The following RXRG variants were observed in gnomAD, a reference collection of about 807,000 sequenced individuals.
The protein encoded by RXRG is retinoic acid receptor RXR-gamma.
RXRG carries 19 observed loss-of-function variants against 49.2 expected under a neutral mutation model. The ratio of observed to expected loss-of-function variants is 0.39; its 90% CI spans 0.27 to 0.57. The LOEUF is 0.57. Ranked by LOEUF, RXRG falls within the 20% of genes least tolerant of loss-of-function variation. RXRG has a pLI of 0.64. For missense variants in RXRG, 452 were observed against 592.5 expected (o/e 0.76, Z 2.46); for synonymous variants, 224 against 216.6 (o/e 1.03, Z -0.30).
At position 165,410,961 on chromosome 1, in the gene RXRG, A is replaced by T; in HGVS notation, c.771T>A (p.Asn257Lys). The change falls in exon 5 of 10, where the codon AAT becomes AAA. Residue 257 changes from asparagine (N) to lysine (K), a missense_variant. Physicochemically the swap from Asn to Lys is moderately conservative, Grantham distance 94 (BLOSUM62 0). Coordinates refer to ENST00000359842, the MANE Select transcript of RXRG (RefSeq NM_006917.5). ...EPKTESYGDMNMENSTNDPVT... is the reference protein window; with the variant it reads ...EPKTESYGDMKMENSTNDPVT... ...TAAGAGCACATACCGAGTTCTCCAT[A>T]TTCATGTCACCATAGGATTCTGTCT... The T allele has an allele frequency of 1.2e-6, 2 of 1,614,120 alleles. No individual in the cohort carries two copies. Among genetic ancestry groups the T allele is most frequent in the South Asian group, 2.2e-5 (2 of 91,068 alleles).
intron 2 of RXRG, among the ~76,000 whole-genome samples, chr1:165,426,528 A>G (rs1408188779): frequency 2.0e-5 from 3 of 152,166 alleles, no homozygotes; most frequent in South Asian, 2.1e-4. Context: ...TACTGGCTCT[A>G]TGCTATAACT....
chr1:165,421,068 C>T (rs142829783), intron 2 of RXRG, among the ~76,000 whole-genome samples: 45 of 152,262 alleles, frequency 3.0e-4, no homozygotes, highest in African/African-American at 1.1e-3. Context: ...CTATTCAAGG[C>T]CTTTGGGACA....
chr1:165,428,949 C>T lies in RXRG; in HGVS notation c.67G>A (p.Gly23Ser). Residue 23 changes from glycine (G) to serine (S), a missense_variant, in exon 2 of 10, where the codon GGC becomes AGC. Physicochemically the swap from Gly to Ser is moderately conservative, Grantham distance 56. Coordinates refer to ENST00000359842, the MANE Select transcript of RXRG (RefSeq NM_006917.5). ...AGYGGSPGHTGSTSMSPSAAL... is the reference protein window; with the variant it reads ...AGYGGSPGHTSSTSMSPSAAL... ...GCTGATGGGCTCATGGATGTAGAGC[C>T]AGTGTGGCCAGGGGAGCCTGTAAGA... is the stretch of plus-strand genomic sequence containing the variant. 2 of 1,613,134 alleles carry T rather than the reference C, an allele frequency of 1.2e-6. No homozygotes were observed. The highest frequency in any genetic ancestry group is 1.7e-6 in the Non-Finnish European group (2 of 1,179,760).
chr1:165,416,890 A>G, intron 4 of RXRG, 151 bp downstream of exon 4: 1 of 688,998 alleles, frequency 1.5e-6, no homozygotes, highest in Admixed American at 3.0e-5. Flanking sequence ...TCCTATTCAG[A>G]CTTCTCTTTA....
At chr1:165,406,562 C>T (rs1167225545) in intron 9 of RXRG, among the ~76,000 whole-genome samples, 1 of 152,194 alleles carries the variant, frequency 6.6e-6, no homozygotes, top group Non-Finnish European at 1.5e-5. Context: ...TGCTATTCAT[C>T]CTCCATTTAA....
intron 4 of RXRG, among the ~76,000 whole-genome samples, chr1:165,415,490 T>G (rs1051067475): frequency 6.6e-6 from 1 of 152,146 alleles, no homozygotes; most frequent in Non-Finnish European, 1.5e-5. Flanking sequence ...AGGACAAAGA[T>G]GGAAGCAGGG....
At chr1:165,407,281 A>G (rs752337006) in intron 8 of RXRG, among the ~76,000 whole-genome samples, 9 of 152,348 alleles carry the variant, frequency 5.9e-5, no homozygotes, top group Non-Finnish European at 8.8e-5. Context: ...CTGAATTGGC[A>G]CATGTCCTGC....
intron 9 of RXRG, among the ~76,000 whole-genome samples, chr1:165,404,844 C>G (rs142154259): frequency 0.043 from 6,473 of 152,210 alleles, 167 homozygotes; most frequent in East Asian, 0.071. Flanking sequence ...CCACAACCTC[C>G]ACCTCCCCGG....
intron 6 of RXRG, among the ~76,000 whole-genome samples, 162 bp from the exon 7 acceptor site, chr1:165,409,852 A>C (rs913122357): frequency 4.6e-5 from 7 of 152,152 alleles, no homozygotes; most frequent in Admixed American, 4.6e-4. Context: ...TAGCGAAGAA[A>C]CAAAGGATAA....
chr1:165,406,563 C>T (rs963701162), intron 9 of RXRG, among the ~76,000 whole-genome samples: 23 of 152,192 alleles, frequency 1.5e-4, no homozygotes, highest in African/African-American at 5.5e-4. Context: ...GCTATTCATC[C>T]TCCATTTAAA....
At position 165,419,994 on chromosome 1, in the gene RXRG, G is replaced by T. The variant is rs1658258587; in HGVS notation, c.318C>A (p.Val106=). The part of the protein sequence containing the change: ...PSSQLNVVNS[V]SSSEDIKPLP... ...AGGGCTTGATGTCCTCTGAACTGCT[G>T]ACACTGTTGACCACATTTAGCTGCA... is the stretch of plus-strand genomic sequence containing the variant. The change falls in exon 3 of 10, where the codon GTC becomes GTA. Residue 106 remains valine (V), a synonymous_variant. Transcript: ENST00000359842. The T allele has an allele frequency of 6.2e-7, 1 of 1,606,304 alleles. No individual in the cohort carries two copies. The highest frequency in any genetic ancestry group is 8.5e-7 in the Non-Finnish European group (1 of 1,176,304).
intron 3 of RXRG, among the ~76,000 whole-genome samples, chr1:165,417,435 T>C (rs1658161343): frequency 6.6e-6 from 1 of 152,204 alleles, no homozygotes; most frequent in Admixed American, 6.5e-5. Context: ...TTCCTCTGCA[T>C]TACTAATTCC....
chr1:165,428,743 G>C lies in RXRG; in HGVS notation c.273C>G (p.Asn91Lys). The change falls in exon 2 of 10, where the codon AAC (asparagine) becomes AAG (lysine). Residue 91 changes from asparagine (N) to lysine (K), a missense_variant. Around this residue, in one of 2 missense-constraint regions of RXRG, gnomAD observed 166 missense variants for 151.7 expected, o/e 1.09. Coordinates refer to ENST00000359842, the MANE Select transcript of RXRG (RefSeq NM_006917.5). Reference protein sequence around the residue: ...SGALAAPPGINLVAPPSSQLN... With the variant: ...SGALAAPPGIKLVAPPSSQLN... ...CCTGAGAGCTGGGTGGGGCAACCAA[G>C]TTGATTCCTGGAGGCGCTGCAAGTG... The C allele has an allele frequency of 2.5e-6, 4 of 1,602,486 alleles. No homozygotes were observed. Among genetic ancestry groups the C allele is most frequent in the South Asian group, 1.1e-5 (1 of 90,356 alleles).
intron 1 of RXRG, among the ~76,000 whole-genome samples, chr1:165,443,658 C>T (rs1420790798): frequency 6.6e-6 from 1 of 152,196 alleles, no homozygotes. Context: ...GTGCCCAACA[C>T]CATGCCTGCC....
chr1:165,412,174 C>T (rs557222457), intron 4 of RXRG, among the ~76,000 whole-genome samples: 81 of 152,116 alleles, frequency 5.3e-4, no homozygotes, highest in African/African-American at 1.7e-3. Context: ...ATCGCAATGC[C>T]GAACATCTAG....
At chr1:165,427,817 T>C (rs1410223029) in intron 2 of RXRG, among the ~76,000 whole-genome samples, 1 of 152,176 alleles carries the variant, frequency 6.6e-6, no homozygotes, top group Non-Finnish European at 1.5e-5. Flanking sequence ...CTGTGCTTTC[T>C]GGATTGGGTT....
At chr1:165,424,358 A>T (rs2101729577) in intron 2 of RXRG, among the ~76,000 whole-genome samples, 1 of 152,326 alleles carries the variant, frequency 6.6e-6, no homozygotes, top group South Asian at 2.1e-4. Flanking sequence ...TGAATTACCT[A>T]AGTGTATAAT....
At position 165,444,706 on chromosome 1, in the gene RXRG, C is replaced by A. The variant is rs148593988; in HGVS notation, c.49+139G>T. The A allele has an allele frequency of 1.1e-5, 8 of 718,354 alleles. No individual in the cohort carries two copies. In the African/African-American group the frequency reaches 1.2e-4, roughly 11 times the overall value. 44.5% of individuals were successfully genotyped at this position (718,354 alleles called of 1,614,324 possible). A position where few individuals can be genotyped will look rare whatever the true frequency, so the allele number is the denominator to read the frequency against. On this transcript the variant is annotated intron_variant, in intron 1 of 9. Transcript: ENST00000359842. ...GCACGCGTGCACACACACGCTGAAA[C>A]GCTATATACACACTATATATGCATA... is the stretch of plus-strand genomic sequence containing the variant.
intron 1 of RXRG, among the ~76,000 whole-genome samples, chr1:165,431,263 T>C (rs1377027829): frequency 6.6e-6 from 1 of 152,120 alleles, no homozygotes; most frequent in Non-Finnish European, 1.5e-5. Flanking sequence ...GACTCAATTA[T>C]GAAGTGATCT....
Sources: allele counts gnomAD v4.1 joint callset (sites outside exome capture counted in the v4.1 genomes callset), GRCh38; gene constraint gnomAD v4.1.1; regional missense constraint gnomAD v4.1.1; transcripts MANE v1.5; gene names NCBI Gene and HGNC (gene_info 2026-07-23, HGNC 2026-07-21).